Variants in TMEM260 observed in about 807,000 individuals in gnomAD.
TMEM260 encodes protein O-mannosyl-transferase TMEM260.
Under a neutral mutation model 88.9 loss-of-function variants are expected in TMEM260, and 82 were observed. That is an observed-to-expected ratio of 0.92 (90% CI 0.77 to 1.11). The LOEUF (loss-of-function observed/expected upper bound fraction) is 1.11. Among genes scored for constraint, TMEM260 ranks in the 50% least tolerant of loss-of-function variants. TMEM260 has a pLI of 0.00. For synonymous variants in TMEM260, 314 were observed against 309.3 expected, an observed-to-expected ratio of 1.02 and a Z score of -0.16; for missense variants, 902 against 853.4, an observed-to-expected ratio of 1.06 and a Z score of -0.71.
chr14:56,657,274 T>G, the TMEM260 span, among the ~76,000 whole-genome samples: 3 of 151,924 alleles, frequency 2.0e-5, no homozygotes, highest in Non-Finnish European at 2.9e-5. Context: ...AAGAGTATGT[T>G]TTGTAAATGA....
intron 3 of TMEM260, among the ~76,000 whole-genome samples, chr14:56,594,754 C>T (rs1278913320): frequency 1.3e-5 from 2 of 152,116 alleles, no homozygotes; most frequent in African/African-American, 4.8e-5. Flanking sequence ...GACATTCCTT[C>T]CATTTATTTT....
In TMEM260 at chr14:56,579,806, A is replaced by AGCCGCCGTG. The variant is rs1444080813; in HGVS notation, c.-101_-93dup. The AGCCGCCGTG allele has an allele frequency of 1.8e-6, 2 of 1,111,092 alleles. No homozygotes were observed. The highest frequency in any genetic ancestry group is 8.5e-5 in the Admixed American group (2 of 23,514). The allele number at this position is 1,111,092 out of a possible 1,614,324, so 68.8% of individuals were successfully genotyped here. The stretch of plus-strand genomic sequence containing the variant: ...CCAACCCGCGGAGGCTCGACCCGGA[A>AGCCGCCGTG]GCCGCCGTGGCCGCCGCACAAGCTG... On this transcript the variant is annotated 5_prime_UTR_variant, in exon 1 of 16. Coordinates refer to ENST00000261556, the MANE Select transcript of TMEM260 (RefSeq NM_017799.4).
At chr14:56,639,236 A>G (rs1889373332) in intron 15 of TMEM260, among the ~76,000 whole-genome samples, 1 of 138,824 alleles carries the variant, frequency 7.2e-6, no homozygotes, top group Admixed American at 7.1e-5. Context: ...ATAGCACAAC[A>G]GGGTAACTAC....
the TMEM260 span, among the ~76,000 whole-genome samples, chr14:56,657,605 C>T: frequency 6.6e-6 from 1 of 152,190 alleles, no homozygotes; most frequent in African/African-American, 2.4e-5. Flanking sequence ...TAAAAATCTG[C>T]CCAAGGATCT....
intron 3 of TMEM260, among the ~76,000 whole-genome samples, chr14:56,595,037 G>A (rs893585127): frequency 6.6e-6 from 1 of 152,174 alleles, no homozygotes; most frequent in African/African-American, 2.4e-5. Flanking sequence ...AGGATCATAA[G>A]ATAATAAAGG....
chr14:56,653,201 T>A (rs1393351953), downstream of TMEM260, among the ~76,000 whole-genome samples: 3 of 150,986 alleles, frequency 2.0e-5, no homozygotes, highest in Non-Finnish European at 4.4e-5. Context: ...AGACTCTGTT[T>A]CAAAAAAAAT....
At chr14:56,617,954 A>G (rs1156846381) in intron 9 of TMEM260, among the ~76,000 whole-genome samples, 1 of 152,174 alleles carries the variant, frequency 6.6e-6, no homozygotes, top group Non-Finnish European at 1.5e-5. Flanking sequence ...TGCAGCTTAT[A>G]TCTGTAGCCA....
intron 15 of TMEM260, 47 bp downstream of exon 15, chr14:56,636,645 G>A (rs758053965): frequency 8.6e-6 from 13 of 1,511,116 alleles, no homozygotes; most frequent in Non-Finnish European, 1.1e-5. Flanking sequence ...TGGTGGGAAG[G>A]TGATGGTGAT....
chr14:56,641,238 G>T (rs1889569918), intron 15 of TMEM260, among the ~76,000 whole-genome samples: 1 of 151,998 alleles, frequency 6.6e-6, no homozygotes, highest in Non-Finnish European at 1.5e-5. Flanking sequence ...CTGAAATGAA[G>T]GAAAAAATGT....
chr14:56,636,519 C>T lies in TMEM260; in HGVS notation c.1790C>T (p.Pro597Leu), dbSNP rs201705257. Residue 597 changes from proline (P) to leucine (L), a missense_variant, in exon 15 of 16, where the codon CCG becomes CTG. By Grantham distance (98) the Pro-to-Leu change is moderately conservative. Coordinates refer to ENST00000261556, the MANE Select transcript of TMEM260 (RefSeq NM_017799.4). Reference sequence around the variant, plus strand: ...ATCCCCACCCCCAGGATGAAAACACCGTTCTTCATCTTTAACCTGGCAGAA... The same window carrying T: ...ATCCCCACCCCCAGGATGAAAACACTGTTCTTCATCTTTAACCTGGCAGAA... Reference protein sequence around the residue: ...EEMWQARMKTPFFIFNLAETA... With the variant: ...EEMWQARMKTLFFIFNLAETA... The T allele has an allele frequency of 2.7e-4, 439 of 1,613,764 alleles. No homozygotes were observed. The highest frequency in any genetic ancestry group is 5.0e-4 in the Admixed American group (30 of 59,994).
Position 56,605,640 on chromosome 14 carries a change from T to C in TMEM260, c.593T>C (p.Leu198Ser), listed in dbSNP as rs766035551. The stretch of plus-strand genomic sequence containing the variant: ...CAGCACACAATAATACTCTATGTTT[T>C]GTGCATAATACCTTGGATTCTCTTT... ...CNQHTIILYV[L>S]CIIPWILFQL... Residue 198 changes from leucine (L) to serine (S), a missense_variant, in exon 5 of 16, where the codon TTG (leucine) becomes TCG (serine). By Grantham distance (145) the Leu-to-Ser change is moderately radical (BLOSUM62 -2). Transcript: ENST00000261556. 5 of 1,595,968 alleles carry C rather than the reference T, an allele frequency of 3.1e-6. No individual in the cohort carries two copies. The highest frequency in any genetic ancestry group is 3.4e-6 in the Non-Finnish European group (4 of 1,173,408).
chr14:56,640,640 C>T (rs576551380), intron 15 of TMEM260, among the ~76,000 whole-genome samples: 1 of 152,254 alleles, frequency 6.6e-6, no homozygotes, highest in Admixed American at 6.5e-5. Context: ...CAAAGCTGGA[C>T]AGAGAATGAC....
chr14:56,608,196 G>T (rs1887033425), intron 5 of TMEM260, among the ~76,000 whole-genome samples: 1 of 152,078 alleles, frequency 6.6e-6, no homozygotes, highest in Non-Finnish European at 1.5e-5. Flanking sequence ...TCAACTGCTT[G>T]TTCTACTTCT....
At chr14:56,581,040 C>G (rs1885096619) in intron 1 of TMEM260, among the ~76,000 whole-genome samples, 3 of 152,148 alleles carry the variant, frequency 2.0e-5, no homozygotes, top group Admixed American at 2.0e-4. Context: ...TGCGATGGGG[C>G]TGCGGTCTTC....
the TMEM260 span, among the ~76,000 whole-genome samples, chr14:56,663,066 T>A: frequency 3.3e-5 from 5 of 151,788 alleles, no homozygotes; most frequent in East Asian, 9.8e-4. This position sits in a 1 kb window ranked among gnomAD's most constrained non-coding sequence, Gnocchi z 4.1. Flanking sequence ...GAGGCGGAGG[T>A]TGGGGTGAGC....
intron 3 of TMEM260, among the ~76,000 whole-genome samples, chr14:56,600,081 G>T (rs1394603044): frequency 6.6e-6 from 1 of 152,096 alleles, no homozygotes. Flanking sequence ...TGAAATATGT[G>T]CATTTTAAGG....
intron 12 of TMEM260, among the ~76,000 whole-genome samples, chr14:56,629,110 G>GGTCTT (rs915250654): frequency 2.0e-5 from 3 of 151,740 alleles, no homozygotes; most frequent in African/African-American, 7.3e-5. Context: ...TGGCCAGGCT[G>GGTCTT]GTCTTGAACT....
the TMEM260 span, among the ~76,000 whole-genome samples, chr14:56,657,795 G>A: frequency 6.6e-6 from 1 of 152,050 alleles, no homozygotes; most frequent in Non-Finnish European, 1.5e-5. Context: ...ATCCACAAAG[G>A]GCTTCACTGG....
At chr14:56,601,092 A>G (rs1886543137) in intron 3 of TMEM260, among the ~76,000 whole-genome samples, 1 of 152,202 alleles carries the variant, frequency 6.6e-6, no homozygotes, top group African/African-American at 2.4e-5. Flanking sequence ...TAACAATCTA[A>G]GGTAACCAGA....
Sources: gnomAD v4.1 joint callset for allele counts (sites outside exome capture counted in the v4.1 genomes callset) on GRCh38, gnomAD v4.1.1 for gene constraint, Gnocchi (gnomAD v3.1) non-coding constraint, MANE v1.5 for transcripts, NCBI Gene and HGNC (gene_info 2026-07-23, HGNC 2026-07-21) for gene names.